DNAJC12: variants seen among roughly 807,000 people sequenced by gnomAD.
DNAJC12 encodes the protein DnaJ heat shock protein family (Hsp40) member C12.
DNAJC12 carries 25 observed loss-of-function variants against 28.5 expected under a neutral mutation model. The observed-to-expected ratio is 0.88, with a 90% CI of 0.64 to 1.22. The LOEUF is 1.22. DNAJC12 is among the 50% of genes most tolerant of loss of function. The pLI, the probability that DNAJC12 is intolerant of heterozygous loss-of-function variation, is 0.00. For synonymous variants in DNAJC12, 77 were observed against 80.6 expected (o/e 0.95, Z 0.24); for missense variants, 222 against 231.7 (o/e 0.96, Z 0.27).
At chr10:67,813,762 GA>G (rs201652025) in intron 2 of DNAJC12, among the ~76,000 whole-genome samples, 18,176 of 94,784 alleles carry the variant, frequency 0.19, 1,064 homozygotes, top group Admixed American at 0.22. Flanking sequence ...TGTCTCAAAA[GA>G]AAAAAAAAAA....
intron 1 of DNAJC12, among the ~76,000 whole-genome samples, chr10:67,831,275 T>C (rs1309873072): frequency 2.0e-5 from 3 of 152,216 alleles, no homozygotes; most frequent in Non-Finnish European, 4.4e-5. Flanking sequence ...GCACAGATAA[T>C]TAACATGTAT....
rs1842157125 is a variant in DNAJC12 at position 67,838,083 on chromosome 10, ACT to A, written c.-74_-73del. The A allele has an allele frequency of 4.8e-6, 5 of 1,046,416 alleles. No homozygotes were observed. In the South Asian group the frequency reaches 5.6e-5, roughly 12 times the overall value. The allele number at this position is 1,046,416 out of a possible 1,614,324, so 64.8% of individuals were successfully genotyped here. A position where few individuals can be genotyped will look rare whatever the true frequency, so the allele number is the denominator to read the frequency against. ...GTGAGCTTCGAATTAACAGGAAGAA[ACT>A]CTTTAAATCTGAATTAGAGCAGCAT... On this transcript the variant is annotated 5_prime_UTR_variant, in exon 1 of 5. Coordinates refer to ENST00000225171, the MANE Select transcript of DNAJC12 (RefSeq NM_021800.3).
intron 2 of DNAJC12, among the ~76,000 whole-genome samples, chr10:67,819,765 A>AGGAGGGAG (rs1841963304): frequency 5.2e-5 from 1 of 19,120 alleles, no homozygotes; most frequent in African/African-American, 1.7e-4. Context: ...GAAGGAAGGA[A>AGGAGGGAG]GGAAGGAAGG....
intron 3 of DNAJC12, among the ~76,000 whole-genome samples, chr10:67,808,760 G>C (rs555043637): frequency 1.3e-5 from 2 of 152,226 alleles, no homozygotes; most frequent in African/African-American, 4.8e-5. Context: ...TATTATCCTG[G>C]ATCAGTGATC....
At chr10:67,804,191 C>T (rs1841776228) in intron 4 of DNAJC12, among the ~76,000 whole-genome samples, 1 of 152,076 alleles carries the variant, frequency 6.6e-6, no homozygotes, top group Non-Finnish European at 1.5e-5. Context: ...GTATATACAA[C>T]ACATCCAAAC....
At chr10:67,799,078 A>T (rs7898028) in intron 4 of DNAJC12, among the ~76,000 whole-genome samples, 143,596 of 152,232 alleles carry the variant, frequency 0.94, 68,302 homozygotes, top group East Asian at 1. Flanking sequence ...TTTCATTTTT[A>T]ATACTCTTTT....
In DNAJC12 at chr10:67,796,986, G is replaced by C; in HGVS notation, c.*130C>G. On this transcript the variant is annotated 3_prime_UTR_variant, in exon 5 of 5. Transcript: ENST00000225171. ...TTATGAGAACTGATTCAAGGATGGA[G>C]GAATCAATTAGTACTCAGCAATTCA... 1 of 578,378 alleles carries C rather than the reference G, an allele frequency of 1.7e-6. No homozygotes were observed. Among genetic ancestry groups the C allele is most frequent in the Non-Finnish European group, 2.9e-6 (1 of 339,384 alleles). The allele number at this position is 578,378 out of a possible 1,614,324, so 35.8% of individuals were successfully genotyped here.
intron 2 of DNAJC12, among the ~76,000 whole-genome samples, chr10:67,818,660 A>ATTT (rs759141693): frequency 1.4e-5 from 2 of 146,316 alleles, no homozygotes; most frequent in African/African-American, 5.0e-5. Context: ...AATTTTTATA[A>ATTT]TTTTTTTTTT....
rs60355002 is a variant in DNAJC12, at chr10:67,818,877, G to T, written c.157+4437C>A. On this transcript the variant is annotated intron_variant, in intron 2 of 4. Transcript: ENST00000225171. ...ACCATGTTGGTCAGGCTGGTCTCAA[G>T]TTCCTGACCTCAGGTGAACCACCCA... is the stretch of plus-strand genomic sequence containing the variant. 1.3e-5 allele frequency among the ~76,000 whole-genome samples: 2 copies of T among 151,990 alleles called. 1 individual carries two copies. The highest frequency in any genetic ancestry group is 3.9e-4 in the East Asian group (2 of 5,130).
intron 1 of DNAJC12, among the ~76,000 whole-genome samples, chr10:67,833,550 G>C (rs1842114383): frequency 6.6e-6 from 1 of 151,968 alleles, no homozygotes; most frequent in Non-Finnish European, 1.5e-5. Flanking sequence ...CCTCATTCTA[G>C]TCCTGACTCT....
chr10:67,821,480 C>T (rs1841980588), intron 2 of DNAJC12, among the ~76,000 whole-genome samples: 1 of 152,110 alleles, frequency 6.6e-6, no homozygotes, highest in Admixed American at 6.5e-5. Flanking sequence ...CGTGCCATTG[C>T]ACTCCAGCCT....
rs1417918484 is a variant in DNAJC12, at chr10:67,805,454, T to C, written c.502+129A>G. 5 of 992,236 alleles carry C rather than the reference T, an allele frequency of 5.0e-6. No individual in the cohort carries two copies. In the South Asian group the frequency reaches 7.1e-5, roughly 14 times the overall value. The allele number at this position is 992,236 out of a possible 1,614,324, so 61.5% of individuals were successfully genotyped here. A position where few individuals can be genotyped will look rare whatever the true frequency, so the allele number is the denominator to read the frequency against. ...TTCGGTGTCAATGCTAAGTGTCTTTTAAGATGATAAACCAATCTTTAAACT... is the reference window on the plus strand; with the variant it reads ...TTCGGTGTCAATGCTAAGTGTCTTTCAAGATGATAAACCAATCTTTAAACT... On this transcript the variant is annotated intron_variant, in intron 4 of 4. Coordinates refer to ENST00000225171, the MANE Select transcript of DNAJC12 (RefSeq NM_021800.3).
chr10:67,804,533 T>G (rs1406139187), intron 4 of DNAJC12, among the ~76,000 whole-genome samples: 2 of 152,190 alleles, frequency 1.3e-5, no homozygotes, highest in Non-Finnish European at 2.9e-5. Flanking sequence ...GATGAGCAAG[T>G]ACTATTATAA....
At chr10:67,826,670 ATTATATATAAGATAT>A (rs1237617731) in intron 1 of DNAJC12, among the ~76,000 whole-genome samples, 7 of 129,154 alleles carry the variant, frequency 5.4e-5, no homozygotes, top group Non-Finnish European at 6.3e-5. Context: ...TATATATATC[ATTATATATAAGATAT>A]CTAATGATAT....
At chr10:67,799,851 C>G (rs1459163533) in intron 4 of DNAJC12, among the ~76,000 whole-genome samples, 2 of 149,858 alleles carry the variant, frequency 1.3e-5, no homozygotes, top group Non-Finnish European at 3.0e-5. Flanking sequence ...CCACTGCACT[C>G]CAGCCTGGGC....
intron 3 of DNAJC12, 151 bp from the exon 4 acceptor site, chr10:67,805,938 T>A: frequency 3.6e-6 from 2 of 549,660 alleles, no homozygotes; most frequent in Non-Finnish European, 6.0e-6. Flanking sequence ...ACTCATAAAT[T>A]AATCCAGATA....
intron 4 of DNAJC12, among the ~76,000 whole-genome samples, chr10:67,799,211 ATATTTTAATATAG>A (rs1329678174): frequency 6.6e-6 from 1 of 152,194 alleles, no homozygotes; most frequent in Non-Finnish European, 1.5e-5. Context: ...ACTTCCATTG[ATATTTTAATATAG>A]TATATAAATA....
At chr10:67,807,324 G>C (rs554507534) in intron 3 of DNAJC12, among the ~76,000 whole-genome samples, 1 of 152,102 alleles carries the variant, frequency 6.6e-6, no homozygotes, top group Non-Finnish European at 1.5e-5. Context: ...AAACATACAA[G>C]GTGGGAGATT....
chr10:67,833,409 T>C (rs559894719), intron 1 of DNAJC12, among the ~76,000 whole-genome samples: 26 of 148,478 alleles, frequency 1.8e-4, no homozygotes, highest in African/African-American at 6.0e-4. Flanking sequence ...CACCTAGGTC[T>C]AAGGAAATAT....
Sources: allele counts gnomAD v4.1 joint callset (sites outside exome capture counted in the v4.1 genomes callset), GRCh38; gene constraint gnomAD v4.1.1; transcripts MANE v1.5; gene names NCBI Gene and HGNC (gene_info 2026-07-23, HGNC 2026-07-21).